Variants in SLC26A1 observed in about 807,000 individuals in gnomAD.
SLC26A1 encodes sulfate anion transporter 1.
In SLC26A1, 18 loss-of-function variants were observed where a neutral mutation model predicts 14.5. The observed-to-expected ratio is 1.24, with a 90% CI of 0.86 to 1.84. SLC26A1 has a LOEUF of 1.84. SLC26A1 is among the 40% of genes most tolerant of loss of function. The pLI is 0.00. For missense variants in SLC26A1, 1,049 were observed against 1,020.0 expected (o/e 1.03, Z -0.39); for synonymous variants, 505 against 492.0 (o/e 1.03, Z -0.35).
downstream of SLC26A1, among the ~76,000 whole-genome samples, chr4:985,062 G>A (rs1577504448): frequency 1.3e-5 from 2 of 152,182 alleles, no homozygotes; most frequent in East Asian, 1.9e-4. Context: ...ATTCTCTCAG[G>A]GCTTGAGGTG....
In SLC26A1 at chr4:987,827, C is replaced by T; in HGVS notation, c.*1006G>A. 6.2e-7 allele frequency: 1 copy of T among 1,612,502 alleles called. No individual in the cohort carries two copies. Among genetic ancestry groups the T allele is most frequent in the Non-Finnish European group, 8.5e-7 (1 of 1,179,876 alleles). ...TCCCCAGCCCCCCGCTGCCACACAG[C>T]CAGGCTGACCAGTACGTCCTCAGCT... On this transcript the variant is annotated 3_prime_UTR_variant, in exon 3 of 3. Coordinates refer to ENST00000398516, the MANE Select transcript of SLC26A1 (RefSeq NM_022042.4).
rs1158371697 is a variant in SLC26A1, at chr4:988,331, C to CTGTGAGGGGGAGGCACGAGG, written c.*482_*501dup. 2.6e-5 allele frequency: 28 copies of CTGTGAGGGGGAGGCACGAGG among 1,096,884 alleles called. No homozygotes were observed. In the East Asian group the frequency reaches 1.5e-3, roughly 60 times the overall value. 67.9% of individuals were successfully genotyped at this position (1,096,884 alleles called of 1,614,324 possible). On this transcript the variant is annotated 3_prime_UTR_variant, in exon 3 of 3. Coordinates refer to ENST00000398516, the MANE Select transcript of SLC26A1 (RefSeq NM_022042.4). ...CCTGACGCTGGTGCAGGTGGCCACC[C>CTGTGAGGGGGAGGCACGAGG]TGTGAGGGGGAGGCACGAGGTGTGA... is the stretch of plus-strand genomic sequence containing the variant.
At chr4:982,626 TTTA>T (rs2153014109) in intron 2 of SLC26A1, among the ~76,000 whole-genome samples, 1 of 152,296 alleles carries the variant, frequency 6.6e-6, no homozygotes, top group Non-Finnish European at 1.5e-5. Flanking sequence ...CTTCCCCACG[TTTA>T]TTATAAGCCA....
chr4:984,900 C>T (rs1713652709), downstream of SLC26A1, among the ~76,000 whole-genome samples: 1 of 152,032 alleles, frequency 6.6e-6, no homozygotes, highest in Non-Finnish European at 1.5e-5. Context: ...TTGTGAATGT[C>T]CCCATCATGC....
chr4:980,741 G>C (rs561335954), intron 2 of SLC26A1, among the ~76,000 whole-genome samples: 4 of 152,074 alleles, frequency 2.6e-5, no homozygotes, highest in African/African-American at 7.2e-5. Context: ...CGCTGCAGAC[G>C]GGCCATTCTA....
downstream of SLC26A1, chr4:987,222 C>T (rs1238977070): frequency 2.0e-6 from 3 of 1,501,106 alleles, no homozygotes; most frequent in Admixed American, 6.3e-5. Flanking sequence ...TGCGGCGCTT[C>T]TGGAGGAGCA....
chr4:990,190 A>G lies in SLC26A1; in HGVS notation c.749T>C (p.Leu250Pro). 1 of 1,561,016 alleles carries G rather than the reference A, an allele frequency of 6.4e-7. No individual in the cohort carries two copies. The highest frequency in any genetic ancestry group is 8.7e-7 in the Non-Finnish European group (1 of 1,153,196). The part of the protein sequence containing the change: ...QGPGMVVLTW[L>P]SLLRGAGQAN... ...CTGCCCGGCGCCGCGCAGCAGGCTC[A>G]GCCATGTGAGGACCACCATGCCGGG... is the stretch of plus-strand genomic sequence containing the variant. The change falls in exon 3 of 3, where the codon CTG becomes CCG. Residue 250 changes from leucine to proline, a missense_variant. Physicochemically the swap from Leu to Pro is moderately conservative, Grantham distance 98 (BLOSUM62 -3). Transcript: ENST00000398516.
At chr4:985,199 G>A (rs558714188), downstream of SLC26A1, among the ~76,000 whole-genome samples, 1 of 152,254 alleles carries the variant, frequency 6.6e-6, no homozygotes, top group African/African-American at 2.4e-5. Flanking sequence ...CCTGAGCCTC[G>A]ACTTCTGTCC....
downstream of SLC26A1, chr4:986,839 C>T (rs372073379): frequency 1.6e-6 from 1 of 638,930 alleles, no homozygotes; most frequent in East Asian, 3.2e-5. Flanking sequence ...CTTCTGAGCG[C>T]TTTCCGAGTC....
chr4:981,736 C>T (rs1361101341), intron 2 of SLC26A1, among the ~76,000 whole-genome samples: 1 of 152,268 alleles, frequency 6.6e-6, no homozygotes, highest in African/African-American at 2.4e-5. Context: ...GCTGGCGTCT[C>T]TCAGCCACTC....
chr4:989,919 AC>A lies in SLC26A1; in HGVS notation c.1019del (p.Arg340LeufsTer65). On this transcript the variant is annotated frameshift_variant, in exon 3 of 3. Transcript: ENST00000398516. LOFTEE classifies it low-confidence loss of function (END_TRUNC). ...CCAGGGCCACGGCATCCAAAGCCACACGCTGCATCAGCCTGGGCTCTGGGAC... is the reference window on the plus strand; with the variant it reads ...CCAGGGCCACGGCATCCAAAGCCACAGCTGCATCAGCCTGGGCTCTGGGAC... ...PQVPEPRLMQ[R>X]VALDAVALAL... 1 of 1,560,126 alleles carries A rather than the reference AC, an allele frequency of 6.4e-7. No homozygotes were observed.
chr4:993,088 C>T (rs549040136), intron 1 of SLC26A1, among the ~76,000 whole-genome samples: 1 of 152,276 alleles, frequency 6.6e-6, no homozygotes, highest in Non-Finnish European at 1.5e-5. Context: ...AGTTGTGTCC[C>T]CTTCCCTGGA....
In SLC26A1 at chr4:989,099, T is replaced by A. The variant is rs1713992857; in HGVS notation, c.1840A>T (p.Ile614Phe). ...AGGAACAGCAGCGGGGCGCAGTCGA[T>A]GACCACTGTGTGGAAGCCGGCCGCT... ...PAAAGFHTVV[I>F]DCAPLLFLDA... Residue 614 changes from isoleucine (I) to phenylalanine (F), a missense_variant, in exon 3 of 3, where the codon ATC (isoleucine) becomes TTC (phenylalanine). Physicochemically the swap from Ile to Phe is conservative, Grantham distance 21. Transcript: ENST00000398516. The A allele has an allele frequency of 1.4e-5, 22 of 1,603,962 alleles. No homozygotes were observed. The highest frequency in any genetic ancestry group is 1.7e-5 in the Non-Finnish European group (20 of 1,175,752).
chr4:992,794 G>A (rs1714474505), intron 1 of SLC26A1: 1 of 153,172 alleles, frequency 6.5e-6, no homozygotes, highest in African/African-American at 2.4e-5. Context: ...CCCACGTGAG[G>A]CCTCGGGTCT....
rs1055806790 is a variant in SLC26A1, at chr4:988,535, G to T, written c.*298C>A. 4 of 1,228,298 alleles carry T rather than the reference G, an allele frequency of 3.3e-6. No individual in the cohort carries two copies. The highest frequency in any genetic ancestry group is 4.1e-6 in the Non-Finnish European group (4 of 982,704). 76.1% of individuals were successfully genotyped at this position (1,228,298 alleles called of 1,614,324 possible). ...CTTGTTCAAATAAGATGTCAACCCT[G>T]AGCGTCAGGTCAGGCCCATCCCTCC... On this transcript the variant is annotated 3_prime_UTR_variant, in exon 3 of 3. Transcript: ENST00000398516.
exon 3 of SLC26A1, chr4:979,460 T>G (rs781774018): frequency 1.9e-6 from 3 of 1,613,506 alleles, no homozygotes; most frequent in Admixed American, 1.7e-5. Flanking sequence ...TCCTCTGTGT[T>G]AATTGCCATG....
At chr4:979,503 G>C (rs773163184) in exon 3 of SLC26A1, 2 of 1,613,430 alleles carry the variant, frequency 1.2e-6, no homozygotes, top group East Asian at 4.5e-5. Flanking sequence ...ACCCCAGGAC[G>C]TCTGGAAGGA....
rs544597029 is a variant in SLC26A1 at position 990,842 on chromosome 4, C to T, written c.576+286G>A. 3.5e-3 allele frequency: 1,671 copies of T among 474,712 alleles called. 7 individuals carry two copies. Among genetic ancestry groups the T allele is most frequent in the Non-Finnish European group, 5.0e-3 (1,346 of 267,930 alleles). The allele number at this position is 474,712 out of a possible 1,614,324, so 29.4% of individuals were successfully genotyped here. Reference sequence around the variant, plus strand: ...CCTGGGAGGCCACATGGCCTCAGTCCAGCACCACTGAGCCACAGCCACACC... The same window carrying T: ...CCTGGGAGGCCACATGGCCTCAGTCTAGCACCACTGAGCCACAGCCACACC... On this transcript the variant is annotated intron_variant, in intron 2 of 2. Transcript: ENST00000398516.
In SLC26A1 at chr4:988,983, A is replaced by AGGCGGGCTGCAGCAGGCTAGC. The variant is rs1310853262; in HGVS notation, c.1935_1955dup (p.Leu646_Pro652dup). ...CTCCTCTGCTCAGAATGTCTCTCAC[A>AGGCGGGCTGCAGCAGGCTAGC]GGCGGGCTGCAGCAGGCTAGCAGCA... is the stretch of plus-strand genomic sequence containing the variant. On this transcript the variant is annotated inframe_insertion, in exon 3 of 3. Transcript: ENST00000398516. The AGGCGGGCTGCAGCAGGCTAGC allele has an allele frequency of 8.8e-6, 14 of 1,594,718 alleles. No homozygotes were observed. Among genetic ancestry groups the AGGCGGGCTGCAGCAGGCTAGC allele is most frequent in the Non-Finnish European group, 9.4e-6 (11 of 1,171,368 alleles).
Sources: gnomAD v4.1 joint callset for allele counts (sites outside exome capture counted in the v4.1 genomes callset) on GRCh38, gnomAD v4.1.1 for gene constraint, MANE v1.5 for transcripts, NCBI Gene and HGNC (gene_info 2026-07-23, HGNC 2026-07-21) for gene names.